PTCHD4: variants seen among roughly 807,000 people sequenced by gnomAD.
PTCHD4 encodes the protein patched domain containing 4.
A neutral mutation model predicts 58.1 loss-of-function variants in PTCHD4; 33 were observed. The ratio of observed to expected loss-of-function variants is 0.57; its 90% CI spans 0.43 to 0.76. The LOEUF is 0.76. PTCHD4 is among the 30% of genes least tolerant of loss of function. The pLI is 0.00. For synonymous variants in PTCHD4, 478 were observed against 409.6 expected, an observed-to-expected ratio of 1.17 and a Z score of -2.02; for missense variants, 1,058 against 1,027.1, an observed-to-expected ratio of 1.03 and a Z score of -0.41.
At chr6:48,028,052 G>C (rs774909867) in intron 3 of PTCHD4, among the ~76,000 whole-genome samples, 4 of 151,914 alleles carry the variant, frequency 2.6e-5, no homozygotes, top group Admixed American at 1.3e-4. Flanking sequence ...AGTGATTCTC[G>C]TGCCTCAGCC....
At chr6:48,013,857 T>C (rs1221283642) in intron 3 of PTCHD4, among the ~76,000 whole-genome samples, 1 of 152,166 alleles carries the variant, frequency 6.6e-6, no homozygotes, top group African/African-American at 2.4e-5. Context: ...ACAAAATGAT[T>C]TATTCATCTC....
rs970406077 is a variant in PTCHD4 at position 47,955,457 on chromosome 6, A to G, written c.898+53177T>C. On this transcript the variant is annotated intron_variant, in intron 4 of 4. Transcript: ENST00000339488. Reference sequence around the variant, plus strand: ...GTGGGGCTTGCATGTGATGAAGAGAAACAGCAAGGACATTCATAACAAAGG... The same window carrying G: ...GTGGGGCTTGCATGTGATGAAGAGAGACAGCAAGGACATTCATAACAAAGG... Among the ~76,000 whole-genome samples the G allele has an allele frequency of 4.6e-5, 7 of 152,362 alleles. No individual in the cohort carries two copies. The East Asian group carries it at 1.3e-3, about 29-fold the overall frequency.
chr6:47,902,891 T>C (rs1257065977), intron 4 of PTCHD4, among the ~76,000 whole-genome samples: 7 of 152,240 alleles, frequency 4.6e-5, no homozygotes. Context: ...ATAAATTGTC[T>C]TGGAGCTCTC....
intron 4 of PTCHD4, among the ~76,000 whole-genome samples, chr6:48,004,335 C>T (rs1447521767): frequency 6.6e-6 from 1 of 152,098 alleles, no homozygotes; most frequent in East Asian, 1.9e-4. Context: ...ACACATAACG[C>T]AGACTCAGAA....
chr6:48,008,884 G>T lies in PTCHD4; in HGVS notation c.648C>A (p.Ser216=), dbSNP rs768695730. 2.5e-6 allele frequency: 4 copies of T among 1,613,912 alleles called. No homozygotes were observed. The highest frequency in any genetic ancestry group is 3.4e-6 in the Non-Finnish European group (4 of 1,179,912). ...TATGAAAGTCCCTCCAGAGGCTAAA[G>T]GATGCTAAAGAGTAGAGCTGGAGTT... is the stretch of plus-strand genomic sequence containing the variant. The part of the protein sequence containing the change: ...HQELQLYSLA[S]FSLWRDFHKT... The change falls in exon 4 of 5, where the codon TCC becomes TCA. Residue 216 remains serine, a synonymous_variant. Coordinates refer to ENST00000339488, the MANE Select transcript of PTCHD4 (RefSeq NM_001384253.1).
Position 47,858,008 on chromosome 6 carries a change from T to A in PTCHD4, c.*20295A>T, listed in dbSNP as rs1763339335. On this transcript the variant is annotated 3_prime_UTR_variant, in exon 5 of 5. Coordinates refer to ENST00000339488, the MANE Select transcript of PTCHD4 (RefSeq NM_001384253.1). ...AAACCCAAACCCCAAACACAAACATTTCTGAAACGTTTCAGTTGATTGAGC... is the reference window on the plus strand; with the variant it reads ...AAACCCAAACCCCAAACACAAACATATCTGAAACGTTTCAGTTGATTGAGC... 6.6e-6 allele frequency among the ~76,000 whole-genome samples: 1 copy of A among 152,008 alleles called. No individual in the cohort carries two copies. The highest frequency in any genetic ancestry group is 1.5e-5 in the Non-Finnish European group (1 of 67,966).
chr6:48,055,206 TTGTCAATGGATGC>T (rs1350113755), intron 3 of PTCHD4, among the ~76,000 whole-genome samples: 1 of 152,164 alleles, frequency 6.6e-6, no homozygotes, highest in East Asian at 1.9e-4. Flanking sequence ...GTGGGTCTGA[TTGTCAATGGATGC>T]TTATAAGTTT....
rs375062250 is a variant in PTCHD4 at position 48,102,816 on chromosome 6, TG to T, written c.-970+8232del. 1.3e-3 allele frequency among the ~76,000 whole-genome samples: 192 copies of T among 152,318 alleles called. 3 individuals are homozygous for T. The South Asian group carries it at 0.038, about 30-fold the overall frequency. ...ACACCAGGAGATTACATCCCGCACATGGCTCGGAGGGTCCTATGCCCACAGA... is the reference window on the plus strand; with the variant it reads ...ACACCAGGAGATTACATCCCGCACATGCTCGGAGGGTCCTATGCCCACAGA... On this transcript the variant is annotated intron_variant, in intron 1 of 4. Coordinates refer to ENST00000339488, the MANE Select transcript of PTCHD4 (RefSeq NM_001384253.1).
rs1763374207 is a variant in PTCHD4, at chr6:47,859,621, T to G, written c.*18682A>C. Among the ~76,000 whole-genome samples, 1 of 133,426 alleles carries G rather than the reference T, an allele frequency of 7.5e-6. No homozygotes were observed. The highest frequency in any genetic ancestry group is 8.4e-5 in the Admixed American group (1 of 11,896). The allele number at this position is 133,426 out of a possible 152,430, so 87.5% of individuals were successfully genotyped here. A position where few individuals can be genotyped will look rare whatever the true frequency, so the allele number is the denominator to read the frequency against. On this transcript the variant is annotated 3_prime_UTR_variant, in exon 5 of 5. Coordinates refer to ENST00000339488, the MANE Select transcript of PTCHD4 (RefSeq NM_001384253.1). ...GGCACCCTTCAGGGTACTGGGCTTA[T>G]AGCAGTTTACAGAGCAGAAAAATAT...
chr6:47,943,032 GTTAA>G (rs746666557), intron 4 of PTCHD4, among the ~76,000 whole-genome samples: 2 of 152,182 alleles, frequency 1.3e-5, no homozygotes, highest in African/African-American at 2.4e-5. Context: ...ACTTGTTCTA[GTTAA>G]TTAGTCTATT....
chr6:47,872,932 A>T lies in PTCHD4; in HGVS notation c.*5371T>A, dbSNP rs1285271742. Among the ~76,000 whole-genome samples the T allele has an allele frequency of 1.3e-5, 2 of 151,682 alleles. No homozygotes were observed. The highest frequency in any genetic ancestry group is 3.0e-5 in the Non-Finnish European group (2 of 67,748). ...CTATCAGCAATAGAGAGTCCTCATT[A>T]AGTATGAAAAAAACTGATTAGAAAA... On this transcript the variant is annotated 3_prime_UTR_variant, in exon 5 of 5. Transcript: ENST00000339488.
chr6:47,989,335 A>C (rs1768197239), intron 4 of PTCHD4, among the ~76,000 whole-genome samples: 1 of 152,210 alleles, frequency 6.6e-6, no homozygotes. Flanking sequence ...AGAAAAACCC[A>C]TTTACTGAAG....
At chr6:48,031,018 T>C (rs148022589) in intron 3 of PTCHD4, among the ~76,000 whole-genome samples, 1,791 of 152,220 alleles carry the variant, frequency 0.012, 23 homozygotes, top group South Asian at 0.027. Flanking sequence ...TCTCTTTTCC[T>C]GAACAAAAGG....
intron 4 of PTCHD4, among the ~76,000 whole-genome samples, chr6:47,955,136 G>A (rs1485852906): frequency 6.6e-6 from 1 of 152,172 alleles, no homozygotes; most frequent in Non-Finnish European, 1.5e-5. Context: ...TGAGCAAAAT[G>A]AATTCCATTG....
At chr6:47,993,777 G>A (rs1347191949) in intron 4 of PTCHD4, among the ~76,000 whole-genome samples, 1 of 152,120 alleles carries the variant, frequency 6.6e-6, no homozygotes, top group Non-Finnish European at 1.5e-5. Flanking sequence ...TTCATATCTA[G>A]TAAGAAATTG....
In PTCHD4 at chr6:47,876,511, A is replaced by C. The variant is rs1256084087; in HGVS notation, c.*1792T>G. Among the ~76,000 whole-genome samples, 1 of 151,984 alleles carries C rather than the reference A, an allele frequency of 6.6e-6. No homozygotes were observed. The highest frequency in any genetic ancestry group is 1.5e-5 in the Non-Finnish European group (1 of 67,958). On this transcript the variant is annotated 3_prime_UTR_variant, in exon 5 of 5. Coordinates refer to ENST00000339488, the MANE Select transcript of PTCHD4 (RefSeq NM_001384253.1). ...ACTTGTTTTGTTACTTCATTAGTCT[A>C]TCAACTTCATTTCCAGAGACTATAA...
At chr6:47,883,615 T>C (rs1399282781) in intron 4 of PTCHD4, among the ~76,000 whole-genome samples, 5 of 152,152 alleles carry the variant, frequency 3.3e-5, no homozygotes, top group Non-Finnish European at 5.9e-5. Flanking sequence ...ATTAATTGTA[T>C]GGAGAGATAA....
Position 47,868,486 on chromosome 6 carries a change from G to A in PTCHD4, c.*9817C>T, listed in dbSNP as rs148070651. On this transcript the variant is annotated 3_prime_UTR_variant, in exon 5 of 5. Transcript: ENST00000339488. ...CTCCTTTTCATTAGGTCATGAGCAG[G>A]CAACTGATAAGCTGGAGAAGTCTTT... Among the ~76,000 whole-genome samples the A allele has an allele frequency of 8.4e-4, 128 of 151,808 alleles. 2 individuals are homozygous for A. Among genetic ancestry groups the A allele is most frequent in the Middle Eastern group, 6.8e-3 (2 of 294 alleles).
At chr6:48,108,081 C>T (rs1395751504) in intron 1 of PTCHD4, among the ~76,000 whole-genome samples, 2 of 152,140 alleles carry the variant, frequency 1.3e-5, no homozygotes, top group African/African-American at 4.8e-5. Flanking sequence ...TACGATTTGA[C>T]CCAGCCATCC....
Sources: allele counts gnomAD v4.1 joint callset (sites outside exome capture counted in the v4.1 genomes callset), GRCh38; gene constraint gnomAD v4.1.1; transcripts MANE v1.5; gene names NCBI Gene and HGNC (gene_info 2026-07-23, HGNC 2026-07-21).